The following EXOC6B variants were observed in gnomAD, a reference collection of about 807,000 sequenced individuals.
EXOC6B encodes the protein SEC15 homolog B.
EXOC6B carries 54 observed loss-of-function variants against 113.5 expected under a neutral mutation model. That is an observed-to-expected ratio of 0.48 (90% confidence interval 0.38 to 0.60). The LOEUF (loss-of-function observed/expected upper bound fraction) is 0.60, where lower values mean the gene tolerates loss of function less well. Among genes scored for constraint, EXOC6B ranks in the 20% least tolerant of loss-of-function variants. The probability of loss-of-function intolerance (pLI) is 0.00; values close to 1 mark genes in which losing one functional copy is unlikely to be tolerated. For missense variants in EXOC6B, 797 were observed against 977.5 expected, an observed-to-expected ratio of 0.82 and a Z score of 2.46; for synonymous variants, 357 against 339.0, an observed-to-expected ratio of 1.05 and a Z score of -0.58.
chr2:72,460,426 C>T (rs1697548961), intron 18 of EXOC6B, among the ~76,000 whole-genome samples: 1 of 151,718 alleles, frequency 6.6e-6, no homozygotes. Flanking sequence ...AGGCAACCTA[C>T]AAAATGGGAG....
At chr2:72,809,185 A>G (rs1164702089) in intron 1 of EXOC6B, among the ~76,000 whole-genome samples, 1 of 152,190 alleles carries the variant, frequency 6.6e-6, no homozygotes, top group Non-Finnish European at 1.5e-5. Context: ...CAAAAAAGGA[A>G]AGAATAAACA....
chr2:72,282,963 G>T (rs1039860831), intron 20 of EXOC6B, among the ~76,000 whole-genome samples: 3 of 152,074 alleles, frequency 2.0e-5, no homozygotes, highest in African/African-American at 7.2e-5. Flanking sequence ...TAATTTGAGA[G>T]TTGCACACCT....
In EXOC6B at chr2:72,397,617, CA is replaced by C. The variant is rs1229846045; in HGVS notation, c.1981-17748del. ...CCTGGTGACAGGTGAAACCTCATCT[CA>C]AAAAAAAAAAATAAAATAAAATAAA... On this transcript the variant is annotated intron_variant, in intron 18 of 21. Transcript: ENST00000272427. Among the ~76,000 whole-genome samples, 119 of 93,332 alleles carry C rather than the reference CA, an allele frequency of 1.3e-3. 1 individual carries two copies. Among genetic ancestry groups the C allele is most frequent in the African/African-American group, 4.1e-3 (60 of 14,810 alleles). 61.2% of individuals were successfully genotyped at this position (93,332 alleles called of 152,430 possible).
At chr2:72,283,228 A>G (rs540413597) in intron 20 of EXOC6B, among the ~76,000 whole-genome samples, 2 of 152,306 alleles carry the variant, frequency 1.3e-5, no homozygotes, top group Non-Finnish European at 2.9e-5. Context: ...AAATCAAGCT[A>G]GAAATCAATA....
chr2:72,292,276 C>T (rs1213840435), intron 20 of EXOC6B, among the ~76,000 whole-genome samples: 1 of 150,022 alleles, frequency 6.7e-6, no homozygotes, highest in African/African-American at 2.4e-5. Context: ...TGGTCTATAT[C>T]AATCCATAAA....
intron 8 of EXOC6B, among the ~76,000 whole-genome samples, chr2:72,554,505 T>C (rs1703423118): frequency 6.6e-6 from 1 of 152,198 alleles, no homozygotes; most frequent in African/African-American, 2.4e-5. Flanking sequence ...GGTTTTAAAA[T>C]GGCAATTTTT....
chr2:72,619,392 T>A (rs561102408), intron 6 of EXOC6B, among the ~76,000 whole-genome samples: 1 of 152,188 alleles, frequency 6.6e-6, no homozygotes, highest in African/African-American at 2.4e-5. Context: ...TTCCCATGGA[T>A]TGTCCATCCA....
intron 19 of EXOC6B, among the ~76,000 whole-genome samples, chr2:72,349,250 G>A (rs781405235): frequency 3.9e-5 from 6 of 152,198 alleles, no homozygotes; most frequent in Non-Finnish European, 8.8e-5. Flanking sequence ...TTTGTCCCTG[G>A]CTCCTGGCAT....
chr2:72,739,424 A>G (rs577747254), intron 2 of EXOC6B, among the ~76,000 whole-genome samples: 1 of 152,212 alleles, frequency 6.6e-6, no homozygotes, highest in African/African-American at 2.4e-5. Flanking sequence ...TTGATTTACC[A>G]AGAATCTTCA....
chr2:72,506,163 G>A (rs1573280747), intron 11 of EXOC6B, among the ~76,000 whole-genome samples: 1 of 151,856 alleles, frequency 6.6e-6, no homozygotes, highest in African/African-American at 2.4e-5. Flanking sequence ...AGTTGCTACA[G>A]AAGAAGCAGG....
chr2:72,642,994 G>A (rs1047111816), intron 6 of EXOC6B, among the ~76,000 whole-genome samples: 6 of 151,880 alleles, frequency 4.0e-5, no homozygotes, highest in African/African-American at 1.5e-4. Flanking sequence ...CATTTATGCA[G>A]CCAAAAAACA....
At chr2:72,289,481 G>A (rs1410907696) in intron 20 of EXOC6B, among the ~76,000 whole-genome samples, 1 of 152,150 alleles carries the variant, frequency 6.6e-6, no homozygotes, top group Non-Finnish European at 1.5e-5. Context: ...TCATGATCCA[G>A]TCACTCGGTT....
intron 20 of EXOC6B, among the ~76,000 whole-genome samples, chr2:72,270,291 A>C (rs1431010124): frequency 6.6e-6 from 1 of 152,076 alleles, no homozygotes; most frequent in Non-Finnish European, 1.5e-5. Flanking sequence ...AGAAGCCTGG[A>C]AGGAGTAGGA....
rs1008942681 is a variant in EXOC6B, at chr2:72,655,111, C to T, written c.669+62992G>A. Among the ~76,000 whole-genome samples, 8 of 152,114 alleles carry T rather than the reference C, an allele frequency of 5.3e-5. No homozygotes were observed. In the East Asian group the frequency reaches 1.5e-3, roughly 29 times the overall value. ...ATGGTTTTCCAACTTACGTGAGACA[C>T]ATATTCAGTGTCCAGAATTACTGAA... is the stretch of plus-strand genomic sequence containing the variant. On this transcript the variant is annotated intron_variant, in intron 6 of 21. Coordinates refer to ENST00000272427, the MANE Select transcript of EXOC6B (RefSeq NM_015189.3).
intron 6 of EXOC6B, among the ~76,000 whole-genome samples, chr2:72,644,969 C>T (rs901913723): frequency 1.3e-5 from 2 of 152,118 alleles, no homozygotes; most frequent in Non-Finnish European, 2.9e-5. Context: ...GGGCTAAATG[C>T]CCCACTTAAA....
chr2:72,765,175 A>G (rs1256978835), intron 1 of EXOC6B, among the ~76,000 whole-genome samples: 1 of 152,170 alleles, frequency 6.6e-6, no homozygotes. Context: ...ACATGCCTGT[A>G]GTCCCAGCTA....
intron 18 of EXOC6B, among the ~76,000 whole-genome samples, chr2:72,448,315 T>G (rs1440130803): frequency 6.6e-6 from 1 of 152,178 alleles, no homozygotes; most frequent in African/African-American, 2.4e-5. Flanking sequence ...AGAACATAAT[T>G]GTCTGTCTCT....
chr2:72,326,139 A>T (rs1167996704), intron 20 of EXOC6B, among the ~76,000 whole-genome samples: 1 of 152,072 alleles, frequency 6.6e-6, no homozygotes, highest in Non-Finnish European at 1.5e-5. Flanking sequence ...GTTAACGAAG[A>T]TGAGATTCGT....
chr2:72,435,544 C>T (rs1695802385), intron 18 of EXOC6B, among the ~76,000 whole-genome samples: 1 of 152,160 alleles, frequency 6.6e-6, no homozygotes, highest in Admixed American at 6.5e-5. Flanking sequence ...GACTCTAAGT[C>T]TTCTTGTAGG....
Sources: gnomAD v4.1 joint callset for allele counts (sites outside exome capture counted in the v4.1 genomes callset) on GRCh38, gnomAD v4.1.1 for gene constraint, MANE v1.5 for transcripts, NCBI Gene and HGNC (gene_info 2026-07-23, HGNC 2026-07-21) for gene names.